GALNT13: variants seen among roughly 807,000 people sequenced by gnomAD.
The protein encoded by GALNT13 is UDP-GalNAc:polypeptide N-acetylgalactosaminyltransferase 13.
In GALNT13, 28 loss-of-function variants were observed where a neutral mutation model predicts 64.2. That is an observed-to-expected ratio of 0.44 (90% CI 0.32 to 0.60). The LOEUF is 0.60. Among genes scored for constraint, GALNT13 ranks in the 20% least tolerant of loss-of-function variants. GALNT13 has a pLI of 0.05. For synonymous variants in GALNT13, 214 were observed against 224.6 expected (o/e 0.95, Z 0.42); for missense variants, 577 against 669.8 (o/e 0.86, Z 1.53).
At chr2:153,686,809 G>T in the GALNT13 span, among the ~76,000 whole-genome samples, 18 of 151,944 alleles carry the variant, frequency 1.2e-4, no homozygotes, top group African/African-American at 4.3e-4. Flanking sequence ...TGTTGACTAT[G>T]TTCCCTTTAA....
intron 9 of GALNT13, among the ~76,000 whole-genome samples, chr2:154,313,340 T>C (rs1017458240): frequency 2.0e-5 from 3 of 148,098 alleles, no homozygotes; most frequent in African/African-American, 7.4e-5. Flanking sequence ...ACACACTATA[T>C]ATATATATTT....
chr2:153,208,971 G>GTTTTTTTT, the GALNT13 span, among the ~76,000 whole-genome samples: 4 of 42,932 alleles, frequency 9.3e-5, no homozygotes, highest in African/African-American at 1.9e-4. Context: ...TTTGGTTTTG[G>GTTTTTTTT]TCTTTTTTTT....
chr2:153,395,198 C>T, the GALNT13 span, among the ~76,000 whole-genome samples: 1 of 152,124 alleles, frequency 6.6e-6, no homozygotes, highest in Non-Finnish European at 1.5e-5. Flanking sequence ...TTCCATGCAA[C>T]ATAAATTGGT....
At chr2:154,299,455 CT>C (rs1188035624) in intron 8 of GALNT13, among the ~76,000 whole-genome samples, 357 of 131,524 alleles carry the variant, frequency 2.7e-3, no homozygotes, top group African/African-American at 4.9e-3. Context: ...CAATGAAATA[CT>C]TTTTTTTTTT....
chr2:153,843,358 T>C, the GALNT13 span, among the ~76,000 whole-genome samples: 1 of 152,176 alleles, frequency 6.6e-6, no homozygotes, highest in East Asian at 1.9e-4. Flanking sequence ...TGACCGGATG[T>C]TGTGTGAACT....
At chr2:153,557,328 A>G in the GALNT13 span, among the ~76,000 whole-genome samples, 2 of 152,200 alleles carry the variant, frequency 1.3e-5, no homozygotes, top group South Asian at 2.1e-4. Flanking sequence ...ACTATACTCT[A>G]TGATGTTTTC....
chr2:154,040,410 C>T lies in GALNT13; in HGVS notation c.142+95771C>T, dbSNP rs544794010. 1.2e-3 allele frequency among the ~76,000 whole-genome samples: 164 copies of T among 140,656 alleles called. 6 individuals are homozygous for T. The highest frequency in any genetic ancestry group is 3.7e-3 in the African/African-American group (150 of 40,954). The allele number at this position is 140,656 out of a possible 152,430, so 92.3% of individuals were successfully genotyped here. ...TGATTATGAAATGTTTTCATTGGGA[C>T]GTAGTATAAATTAATTGATAATGGT... On this transcript the variant is annotated intron_variant, in intron 3 of 12. Coordinates refer to ENST00000392825, the MANE Select transcript of GALNT13 (RefSeq NM_052917.4).
At chr2:154,242,623 C>G in intron 5 of GALNT13, 75 bp from the exon 6 acceptor site, 1 of 914,984 alleles carries the variant, frequency 1.1e-6, no homozygotes, top group African/African-American at 1.7e-5. Flanking sequence ...GTTGAATTTC[C>G]ATCTTGGTAG....
the GALNT13 span, among the ~76,000 whole-genome samples, chr2:153,157,560 G>A: frequency 6.6e-6 from 1 of 151,790 alleles, no homozygotes; most frequent in Non-Finnish European, 1.5e-5. Flanking sequence ...AATTTTCTTG[G>A]GACTCACCAT....
At chr2:153,570,734 T>C in the GALNT13 span, among the ~76,000 whole-genome samples, 1 of 152,156 alleles carries the variant, frequency 6.6e-6, no homozygotes, top group Admixed American at 6.6e-5. Context: ...CAGTGCAGGT[T>C]ATTGGCACCT....
At chr2:153,107,410 T>A in the GALNT13 span, among the ~76,000 whole-genome samples, 1 of 152,174 alleles carries the variant, frequency 6.6e-6, no homozygotes, top group Non-Finnish European at 1.5e-5. Flanking sequence ...TTAGCATACC[T>A]AGAAGAAAGG....
At chr2:153,792,346 T>G in the GALNT13 span, among the ~76,000 whole-genome samples, 3 of 152,138 alleles carry the variant, frequency 2.0e-5, no homozygotes, top group Non-Finnish European at 4.4e-5. Context: ...TATATAGGAT[T>G]TACATTGTTT....
chr2:153,648,800 A>C, the GALNT13 span, among the ~76,000 whole-genome samples: 1 of 152,164 alleles, frequency 6.6e-6, no homozygotes, highest in Non-Finnish European at 1.5e-5. Flanking sequence ...CCAGCCTTGC[A>C]TCCTAGGGAT....
chr2:154,092,991 G>A (rs1230865592), intron 3 of GALNT13, among the ~76,000 whole-genome samples: 2 of 151,880 alleles, frequency 1.3e-5, no homozygotes, highest in African/African-American at 2.4e-5. Context: ...CGCACAACAC[G>A]TCTACTTTGA....
At chr2:154,266,715 G>A (rs796589949) in intron 8 of GALNT13, among the ~76,000 whole-genome samples, 45 of 151,860 alleles carry the variant, frequency 3.0e-4, no homozygotes, top group African/African-American at 9.4e-4. Flanking sequence ...AATAGCAAGT[G>A]TATTGTATTT....
intron 7 of GALNT13, among the ~76,000 whole-genome samples, chr2:154,258,356 T>G (rs1239268044): frequency 2.0e-5 from 3 of 152,116 alleles, no homozygotes; most frequent in Admixed American, 2.0e-4. Flanking sequence ...CCCTTCGAAG[T>G]GTCCTTTCAA....
intron 1 of GALNT13, among the ~76,000 whole-genome samples, chr2:153,884,701 CTG>C (rs1687015212): frequency 6.7e-6 from 1 of 149,584 alleles, no homozygotes; most frequent in Admixed American, 6.7e-5. Context: ...GGCGGATCAT[CTG>C]AGGTCAGGAG....
the GALNT13 span, among the ~76,000 whole-genome samples, chr2:153,462,986 GTA>G: frequency 2.0e-5 from 3 of 151,948 alleles, no homozygotes; most frequent in South Asian, 2.1e-4. Context: ...TGAAACATTT[GTA>G]TACTGAAGAT....
chr2:153,574,237 A>T, the GALNT13 span, among the ~76,000 whole-genome samples: 2 of 150,086 alleles, frequency 1.3e-5, no homozygotes, highest in African/African-American at 2.5e-5. Flanking sequence ...GAAATCCGTT[A>T]TATGTTATTT....
Sources: gnomAD v4.1 joint callset for allele counts (sites outside exome capture counted in the v4.1 genomes callset) on GRCh38, gnomAD v4.1.1 for gene constraint, MANE v1.5 for transcripts, NCBI Gene and HGNC (gene_info 2026-07-23, HGNC 2026-07-21) for gene names.